The following GREB1L variants were observed in gnomAD, a reference collection of about 807,000 sequenced individuals.
GREB1L encodes the protein GREB1-like protein.
Under a neutral mutation model 200.8 loss-of-function variants are expected in GREB1L, and 17 were observed. That is an observed-to-expected ratio of 0.08 (90% CI 0.06 to 0.13). The LOEUF is 0.13. Among genes scored for constraint, GREB1L ranks in the 10% least tolerant of loss-of-function variants. The pLI, the probability that GREB1L is intolerant of heterozygous loss-of-function variation, is 1.00. For synonymous variants in GREB1L, 789 were observed against 893.0 expected (o/e 0.88, Z 2.08); for missense variants, 1,657 against 2,367.7 (o/e 0.70, Z 6.23).
At chr18:21,389,774 T>C (rs147194344) in intron 4 of GREB1L, among the ~76,000 whole-genome samples, 312 of 152,330 alleles carry the variant, frequency 2.0e-3, no homozygotes, top group Middle Eastern at 0.014. Context: ...TTTTGCGGCT[T>C]GCCAAAACTT....
intron 15 of GREB1L, among the ~76,000 whole-genome samples, chr18:21,471,743 T>C (rs1301891387): frequency 2.0e-5 from 3 of 151,868 alleles, no homozygotes; most frequent in African/African-American, 7.3e-5. Flanking sequence ...TCCTCAGCCT[T>C]CTGAGTAGCT....
At chr18:21,255,575 C>T (rs2037788341) in intron 1 of GREB1L, among the ~76,000 whole-genome samples, 1 of 152,114 alleles carries the variant, frequency 6.6e-6, no homozygotes, top group Non-Finnish European at 1.5e-5. Flanking sequence ...GGAATAGGCC[C>T]TGAGCCACTT....
chr18:21,489,342 C>T (rs971230360), intron 18 of GREB1L, among the ~76,000 whole-genome samples: 8 of 152,070 alleles, frequency 5.3e-5, no homozygotes, highest in African/African-American at 1.9e-4. Context: ...CCAGTCAGCT[C>T]CAAGTTTCTC....
Position 21,449,708 on chromosome 18 carries a change from T to C in GREB1L, c.1592T>C (p.Leu531Ser). Residue 531 changes from leucine (L) to serine (S), a missense_variant, in exon 12 of 33, where the codon TTG (leucine) becomes TCG (serine). Physicochemically the swap from Leu to Ser is moderately radical, Grantham distance 145. Coordinates refer to ENST00000424526, the MANE Select transcript of GREB1L (RefSeq NM_001142966.3). The part of the protein sequence containing the change: ...LVHVVVTQNS[L>S]AEGISETLRT... Reference sequence around the variant, plus strand: ...CATGTGGTTGTGACCCAGAACTCTTTGGCGGAGGGCATTTCAGAGACCTTA... The same window carrying C: ...CATGTGGTTGTGACCCAGAACTCTTCGGCGGAGGGCATTTCAGAGACCTTA... 1.3e-6 allele frequency: 2 copies of C among 1,551,666 alleles called. No homozygotes were observed. Among genetic ancestry groups the C allele is most frequent in the Non-Finnish European group, 1.7e-6 (2 of 1,146,990 alleles).
At chr18:21,518,542 C>T (rs756950152) in intron 31 of GREB1L, among the ~76,000 whole-genome samples, 3 of 152,334 alleles carry the variant, frequency 2.0e-5, no homozygotes, top group Middle Eastern at 6.8e-3. Context: ...AAGCCTACCT[C>T]GGTGACTTTG....
rs562986977 is a variant in GREB1L at position 21,522,864 on chromosome 18, A to G, written c.*43A>G. Reference sequence around the variant, plus strand: ...AACAGCAAAAAGATGCCTAGGTGGGATGGGACAGAAACAATTTGGGATTTT... The same window carrying G: ...AACAGCAAAAAGATGCCTAGGTGGGGTGGGACAGAAACAATTTGGGATTTT... On this transcript the variant is annotated 3_prime_UTR_variant, in exon 33 of 33. Transcript: ENST00000424526. The G allele has an allele frequency of 5.4e-6, 8 of 1,490,980 alleles. No individual in the cohort carries two copies. The South Asian group carries it at 1.0e-4, about 19-fold the overall frequency. The allele number at this position is 1,490,980 out of a possible 1,614,324, so 92.4% of individuals were successfully genotyped here.
chr18:21,522,830 A>G lies in GREB1L; in HGVS notation c.*9A>G, dbSNP rs755742644. 29 of 1,545,272 alleles carry G rather than the reference A, an allele frequency of 1.9e-5. No individual in the cohort carries two copies. In the Admixed American group the frequency reaches 4.4e-4, roughly 23 times the overall value. ...CTGGACGTCATGTATGAGCTTTTGA[A>G]GAGACCAAAACAGCAAAAAGATGCC... On this transcript the variant is annotated 3_prime_UTR_variant, in exon 33 of 33. Coordinates refer to ENST00000424526, the MANE Select transcript of GREB1L (RefSeq NM_001142966.3).
intron 1 of GREB1L, among the ~76,000 whole-genome samples, chr18:21,346,164 C>T (rs1038863491): frequency 7.2e-5 from 11 of 152,132 alleles, no homozygotes; most frequent in Non-Finnish European, 1.3e-4. Context: ...AATTACTTCG[C>T]CGTGTCATCA....
At chr18:21,485,583 T>C in intron 17 of GREB1L, 37 bp from the exon 18 acceptor site, 1 of 1,543,314 alleles carries the variant, frequency 6.5e-7, no homozygotes, top group Non-Finnish European at 8.8e-7. Flanking sequence ...CACTGTATCC[T>C]GTCCTCATTG....
intron 4 of GREB1L, among the ~76,000 whole-genome samples, chr18:21,393,612 G>C (rs896837123): frequency 6.6e-6 from 1 of 152,174 alleles, no homozygotes; most frequent in African/African-American, 2.4e-5. Flanking sequence ...TGTATCTTTA[G>C]TAGAGACGGG....
chr18:21,437,472 G>C (rs568845958), intron 7 of GREB1L, among the ~76,000 whole-genome samples: 54 of 151,964 alleles, frequency 3.6e-4, no homozygotes, highest in Non-Finnish European at 6.5e-4. Context: ...GACAACTTTT[G>C]AACCTACTAA....
intron 1 of GREB1L, among the ~76,000 whole-genome samples, chr18:21,344,512 G>A (rs2039316518): frequency 6.6e-6 from 1 of 152,240 alleles, no homozygotes; most frequent in Non-Finnish European, 1.5e-5. Flanking sequence ...TCTCACAGAT[G>A]TTGTACTGAG....
chr18:21,391,406 G>A (rs1185031159), intron 4 of GREB1L, among the ~76,000 whole-genome samples: 1 of 152,192 alleles, frequency 6.6e-6, no homozygotes, highest in African/African-American at 2.4e-5. Context: ...TATCATCTGG[G>A]TGTGTGAAAG....
rs1224550022 is a variant in GREB1L at position 21,499,745 on chromosome 18, T to C, written c.3408T>C (p.Asn1136=). 2 of 1,551,600 alleles carry C rather than the reference T, an allele frequency of 1.3e-6. No individual in the cohort carries two copies. Among genetic ancestry groups the C allele is most frequent in the Non-Finnish European group, 1.7e-6 (2 of 1,146,816 alleles). ...VTGTSGSIME[N]GVSSSSTADK... The stretch of plus-strand genomic sequence containing the variant: ...CTCTCACAGGTTCCATCATGGAGAA[T>C]GGAGTGAGCTCTTCCAGCACAGCTG... The change falls in exon 22 of 33, where the codon AAT becomes AAC. Residue 1136 remains asparagine (N), a synonymous_variant. Coordinates refer to ENST00000424526, the MANE Select transcript of GREB1L (RefSeq NM_001142966.3).
intron 32 of GREB1L, among the ~76,000 whole-genome samples, chr18:21,521,174 G>A (rs1334253664): frequency 6.6e-6 from 1 of 151,904 alleles, no homozygotes; most frequent in Non-Finnish European, 1.5e-5. Context: ...TCCAGCCTGG[G>A]CAACAGAGCA....
chr18:21,250,191 A>C (rs1180721116), intron 1 of GREB1L, among the ~76,000 whole-genome samples: 1 of 152,178 alleles, frequency 6.6e-6, no homozygotes, highest in Non-Finnish European at 1.5e-5. Flanking sequence ...GGATTAGGTC[A>C]GAGAGGTAAT....
In GREB1L at chr18:21,439,651, C is replaced by T. The variant is rs576074071; in HGVS notation, c.949+14C>T. 2 of 1,466,044 alleles carry T rather than the reference C, an allele frequency of 1.4e-6. No homozygotes were observed. Among genetic ancestry groups the T allele is most frequent in the African/African-American group, 1.4e-5 (1 of 71,672 alleles). The allele number at this position is 1,466,044 out of a possible 1,614,324, so 90.8% of individuals were successfully genotyped here. ...CAGGAGATCAAGGTACAATGCCTGT[C>T]GTAGAGTTTTGTAATAATGCACTTA... On this transcript the variant is annotated intron_variant, in intron 8 of 32. Transcript: ENST00000424526.
chr18:21,522,004 C>CAAAAA lies in GREB1L; in HGVS notation c.5609-646_5609-642dup, dbSNP rs59115973. On this transcript the variant is annotated intron_variant, in intron 32 of 32. Coordinates refer to ENST00000424526, the MANE Select transcript of GREB1L (RefSeq NM_001142966.3). Reference sequence around the variant, plus strand: ...GGGCAACAGAGGAAGACTCCGTCTCCAAAAAAAAAAAAGGTAAGACACAGA... The same window carrying CAAAAA: ...GGGCAACAGAGGAAGACTCCGTCTCCAAAAAAAAAAAAAAAAAGGTAAGACACAGA... Among the ~76,000 whole-genome samples, 27 of 30,984 alleles carry CAAAAA rather than the reference C, an allele frequency of 8.7e-4. 2 individuals are homozygous for CAAAAA. The highest frequency in any genetic ancestry group is 2.7e-3 in the African/African-American group (22 of 8,258). The allele number at this position is 30,984 out of a possible 152,430, so 20.3% of individuals were successfully genotyped here.
intron 2 of GREB1L, among the ~76,000 whole-genome samples, chr18:21,376,120 T>A (rs2040059970): frequency 6.6e-6 from 1 of 152,100 alleles, no homozygotes; most frequent in Admixed American, 6.5e-5. Context: ...TGCTGTATAC[T>A]TTTTTAAAAT....
Sources: gnomAD v4.1 joint callset for allele counts (sites outside exome capture counted in the v4.1 genomes callset) on GRCh38, gnomAD v4.1.1 for gene constraint, MANE v1.5 for transcripts, NCBI Gene and HGNC (gene_info 2026-07-23, HGNC 2026-07-21) for gene names.